Variants in ARHGAP6 observed in about 807,000 individuals in gnomAD.
ARHGAP6 encodes Rho GTPase activating protein 6.
Under a neutral mutation model 55.7 loss-of-function variants are expected in ARHGAP6, and 16 were observed. The ratio of observed to expected loss-of-function variants is 0.29; its 90% CI spans 0.19 to 0.44. ARHGAP6 has a LOEUF of 0.44. Ranked by LOEUF, ARHGAP6 falls within the 20% of genes least tolerant of loss-of-function variation. The pLI, the probability that ARHGAP6 is intolerant of heterozygous loss-of-function variation, is 1.00. For missense variants in ARHGAP6, 698 were observed against 808.9 expected (o/e 0.86, Z 1.66); for synonymous variants, 382 against 360.9 (o/e 1.06, Z -0.66).
chrX:11,544,006 T>C (rs2051187053), intron 1 of ARHGAP6, among the ~76,000 whole-genome samples: 2 of 112,866 alleles, frequency 1.8e-5, no homozygotes, highest in Middle Eastern at 4.6e-3. Flanking sequence ...ATTGACTTAA[T>C]GCTAAAGCCA....
chrX:11,599,131 T>A (rs2051939647), intron 1 of ARHGAP6, among the ~76,000 whole-genome samples: 2 of 111,544 alleles, frequency 1.8e-5, no homozygotes, highest in Non-Finnish European at 3.8e-5. Context: ...TCTGTGTACC[T>A]CATCTTCTTG....
intron 1 of ARHGAP6, among the ~76,000 whole-genome samples, chrX:11,345,968 A>T (rs1228916658): frequency 2.9e-5 from 3 of 104,219 alleles, no homozygotes; most frequent in East Asian, 2.9e-4. Flanking sequence ...TTTTAGGCAC[A>T]TTTTTTTTTT....
At chrX:11,208,447 C>T (rs2046740386) in intron 2 of ARHGAP6, among the ~76,000 whole-genome samples, 1 of 111,714 alleles carries the variant, frequency 9.0e-6, no homozygotes, top group African/African-American at 3.3e-5. Flanking sequence ...TAAGGATCTG[C>T]ACATTTTAGG....
At chrX:11,530,592 G>A (rs996558581) in intron 1 of ARHGAP6, among the ~76,000 whole-genome samples, 2 of 112,100 alleles carry the variant, frequency 1.8e-5, no homozygotes, top group Admixed American at 1.9e-4. Flanking sequence ...GACTGAGAGA[G>A]GGTGAAATAG....
At chrX:11,389,409 T>C (rs1352832762) in intron 1 of ARHGAP6, among the ~76,000 whole-genome samples, 2 of 112,348 alleles carry the variant, frequency 1.8e-5, no homozygotes, top group African/African-American at 6.5e-5. Context: ...AAAGCACTAA[T>C]AAAATTATCC....
intron 2 of ARHGAP6, among the ~76,000 whole-genome samples, chrX:11,241,283 C>T (rs1415176332): frequency 9.1e-6 from 1 of 109,586 alleles, no homozygotes; most frequent in Non-Finnish European, 1.9e-5. Context: ...GGACATCCTT[C>T]CTTTCTGATT....
chrX:11,495,984 C>T (rs757024054), intron 1 of ARHGAP6, among the ~76,000 whole-genome samples: 5 of 112,000 alleles, frequency 4.5e-5, no homozygotes, highest in African/African-American at 1.6e-4. Flanking sequence ...GTCAAATGGC[C>T]TTTAAGGAGA....
intron 1 of ARHGAP6, among the ~76,000 whole-genome samples, chrX:11,362,319 G>A (rs1603130790): frequency 9.0e-6 from 1 of 111,351 alleles, no homozygotes; most frequent in South Asian, 3.8e-4. Flanking sequence ...GGAATACTAT[G>A]CAGCCATAAA....
chrX:11,441,906 T>A (rs193195051), intron 1 of ARHGAP6, among the ~76,000 whole-genome samples: 2,013 of 108,729 alleles, frequency 0.019, 22 homozygotes, highest in Non-Finnish European at 0.029. Flanking sequence ...TAAAAAAAAA[T>A]CTCATGAATT....
intron 1 of ARHGAP6, among the ~76,000 whole-genome samples, chrX:11,553,842 C>A (rs1328679721): frequency 8.9e-6 from 1 of 111,830 alleles, no homozygotes; most frequent in Non-Finnish European, 1.9e-5. Flanking sequence ...AGTAACTAGT[C>A]AAACTCCTTT....
intron 1 of ARHGAP6, among the ~76,000 whole-genome samples, chrX:11,340,535 C>T (rs1483791979): frequency 9.0e-6 from 1 of 111,025 alleles, no homozygotes; most frequent in Admixed American, 9.5e-5. Flanking sequence ...GGAGACCATC[C>T]TGGCTAACAC....
chrX:11,427,180 T>A (rs1218964784), intron 1 of ARHGAP6, among the ~76,000 whole-genome samples: 1 of 111,126 alleles, frequency 9.0e-6, no homozygotes, highest in African/African-American at 3.3e-5. Flanking sequence ...AGTCTTATTC[T>A]CGTCCTTTCA....
intron 1 of ARHGAP6, among the ~76,000 whole-genome samples, chrX:11,445,476 A>G (rs1455626574): frequency 8.9e-6 from 1 of 112,161 alleles, no homozygotes; most frequent in Non-Finnish European, 1.9e-5. Context: ...GCAAACCTAG[A>G]TGTGTGGACA....
At chrX:11,385,027 C>T (rs1328990252) in intron 1 of ARHGAP6, among the ~76,000 whole-genome samples, 1 of 111,773 alleles carries the variant, frequency 8.9e-6, no homozygotes, top group African/African-American at 3.3e-5. Context: ...GTATAAATGA[C>T]CATGATTCAC....
chrX:11,647,499 G>GA (rs1372818842), intron 1 of ARHGAP6, among the ~76,000 whole-genome samples: 13 of 111,312 alleles, frequency 1.2e-4, no homozygotes, highest in African/African-American at 9.8e-5. Context: ...CCATGTAATG[G>GA]AAAAAAAAGG....
At chrX:11,507,026 A>G (rs912916947) in intron 1 of ARHGAP6, among the ~76,000 whole-genome samples, 2 of 111,787 alleles carry the variant, frequency 1.8e-5, no homozygotes, top group Non-Finnish European at 3.8e-5. Context: ...TAGTGTCTTA[A>G]TCATCTTTAT....
rs2052741077 is a variant in ARHGAP6 at position 11,664,924 on chromosome X, A to T, written c.-96T>A. 2 of 913,228 alleles carry T rather than the reference A, an allele frequency of 2.2e-6. No individual in the cohort carries two copies. The highest frequency in any genetic ancestry group is 3.0e-6 in the Non-Finnish European group (2 of 676,071). 75.3% of individuals were successfully genotyped at this position (913,228 alleles called of 1,213,427 possible). On this transcript the variant is annotated 5_prime_UTR_variant, in exon 1 of 13. Transcript: ENST00000337414. ...CGAAAGGGACTCAGGCAAAGGTGCCAGGCGGGGCTGGCCCGGGGTTTGCCC... is the reference window on the plus strand; with the variant it reads ...CGAAAGGGACTCAGGCAAAGGTGCCTGGCGGGGCTGGCCCGGGGTTTGCCC...
At chrX:11,602,084 A>G (rs1330629334) in intron 1 of ARHGAP6, among the ~76,000 whole-genome samples, 1 of 111,626 alleles carries the variant, frequency 9.0e-6, no homozygotes. Context: ...GGATATTTAT[A>G]TCATAACTGT....
intron 2 of ARHGAP6, among the ~76,000 whole-genome samples, chrX:11,223,516 G>A (rs1451113110): frequency 1.8e-5 from 2 of 111,307 alleles, no homozygotes; most frequent in South Asian, 3.8e-4. Flanking sequence ...TAGTCTTCCT[G>A]TAAAATTAAT....
Sources: allele counts gnomAD v4.1 joint callset (sites outside exome capture counted in the v4.1 genomes callset), GRCh38; gene constraint gnomAD v4.1.1; transcripts MANE v1.5; gene names NCBI Gene and HGNC (gene_info 2026-07-23, HGNC 2026-07-21).